Variants in KIFAP3 observed in about 807,000 individuals in gnomAD.
KIFAP3 encodes kinesin associated protein 3.
In KIFAP3, 68 loss-of-function variants were observed where a neutral mutation model predicts 106.5. The observed-to-expected ratio is 0.64, with a 90% CI of 0.53 to 0.78. The LOEUF is 0.78. Among genes scored for constraint, KIFAP3 ranks in the 30% least tolerant of loss-of-function variants. The pLI is 0.00. For synonymous variants in KIFAP3, 320 were observed against 311.5 expected, an observed-to-expected ratio of 1.03 and a Z score of -0.29; for missense variants, 780 against 941.8, an observed-to-expected ratio of 0.83 and a Z score of 2.25.
intron 16 of KIFAP3, 55 bp from the exon 17 acceptor site, chr1:169,972,653 A>G: frequency 5.0e-6 from 4 of 801,196 alleles, no homozygotes; most frequent in East Asian, 2.7e-5. Context: ...GCTAGTCAAT[A>G]ATACTACAAA....
At chr1:169,940,618 C>T (rs1383674285) in intron 19 of KIFAP3, among the ~76,000 whole-genome samples, 1 of 152,142 alleles carries the variant, frequency 6.6e-6, no homozygotes, top group Admixed American at 6.6e-5. Flanking sequence ...AATCTAATGC[C>T]GCTGCTCATG....
intron 10 of KIFAP3, among the ~76,000 whole-genome samples, chr1:170,001,478 G>A (rs1667666296): frequency 6.6e-6 from 1 of 152,114 alleles, no homozygotes; most frequent in African/African-American, 2.4e-5. Flanking sequence ...ATCTTGATAT[G>A]AGTCTACCTC....
At chr1:169,990,103 A>G in intron 11 of KIFAP3, 1 of 1,458,020 alleles carries the variant, frequency 6.9e-7, no homozygotes, top group Non-Finnish European at 9.2e-7. Context: ...TCCAAGGAAA[A>G]TAGAGCGATT....
intron 1 of KIFAP3, among the ~76,000 whole-genome samples, chr1:170,073,926 A>G (rs1185037091): frequency 6.6e-6 from 1 of 152,220 alleles, no homozygotes; most frequent in Admixed American, 6.5e-5. Flanking sequence ...TGGATGCGGA[A>G]AGCAGAAAGA....
intron 17 of KIFAP3, among the ~76,000 whole-genome samples, chr1:169,966,295 C>T (rs1483069153): frequency 6.6e-6 from 1 of 151,678 alleles, no homozygotes; most frequent in African/African-American, 2.4e-5. Flanking sequence ...CTATACCAAA[C>T]TGTGTATTTA....
chr1:170,004,100 T>C (rs1667811954), intron 10 of KIFAP3, among the ~76,000 whole-genome samples: 1 of 152,154 alleles, frequency 6.6e-6, no homozygotes, highest in African/African-American at 2.4e-5. Flanking sequence ...TGAACTCCCA[T>C]TCACAATTGC....
intron 19 of KIFAP3, among the ~76,000 whole-genome samples, chr1:169,939,540 T>C (rs966861445): frequency 6.6e-6 from 1 of 152,102 alleles, no homozygotes; most frequent in Non-Finnish European, 1.5e-5. Context: ...AAATATAGGT[T>C]TACAAATGGT....
chr1:170,066,598 T>C (rs1671457880), intron 1 of KIFAP3, among the ~76,000 whole-genome samples: 1 of 152,152 alleles, frequency 6.6e-6, no homozygotes, highest in Admixed American at 6.5e-5. Flanking sequence ...TGAGGCTACT[T>C]TTCCCTAGAG....
intron 19 of KIFAP3, among the ~76,000 whole-genome samples, chr1:169,935,866 C>A (rs1332963907): frequency 6.6e-6 from 1 of 151,680 alleles, no homozygotes; most frequent in Non-Finnish European, 1.5e-5. Context: ...TGACAGAGTC[C>A]CATACTTGTC....
At chr1:170,003,415 G>A (rs1459824057) in intron 10 of KIFAP3, among the ~76,000 whole-genome samples, 2 of 152,238 alleles carry the variant, frequency 1.3e-5, no homozygotes, top group South Asian at 2.1e-4. Flanking sequence ...AAATCCTCCC[G>A]GCCGTGTGAG....
chr1:170,064,671 T>C (rs1671346035), intron 1 of KIFAP3, among the ~76,000 whole-genome samples: 2 of 152,202 alleles, frequency 1.3e-5, no homozygotes, highest in Admixed American at 6.5e-5. Context: ...TCATTTAATA[T>C]GTTTATATCA....
chr1:169,999,098 TAGAG>T (rs1667533786), intron 10 of KIFAP3, among the ~76,000 whole-genome samples: 2 of 152,148 alleles, frequency 1.3e-5, no homozygotes, highest in Admixed American at 1.3e-4. Flanking sequence ...AAACAGCTAT[TAGAG>T]AGATTAAATG....
chr1:170,033,049 A>G (rs889542640), intron 7 of KIFAP3, among the ~76,000 whole-genome samples: 2 of 151,758 alleles, frequency 1.3e-5, no homozygotes, highest in Admixed American at 6.6e-5. Context: ...TTTGGGTACC[A>G]CTGAAGCATT....
chr1:170,017,025 G>A (rs1270390347), intron 9 of KIFAP3, among the ~76,000 whole-genome samples: 5 of 152,146 alleles, frequency 3.3e-5, no homozygotes, highest in African/African-American at 1.2e-4. Context: ...TTGGGAGGCC[G>A]AGGCGGGCAG....
chr1:169,936,621 C>CT (rs921295423), intron 19 of KIFAP3, among the ~76,000 whole-genome samples: 1 of 151,628 alleles, frequency 6.6e-6, no homozygotes, highest in African/African-American at 2.4e-5. Context: ...AACCTACTTA[C>CT]TTTTTTTCTA....
At chr1:170,025,634 T>C (rs967290935) in intron 8 of KIFAP3, among the ~76,000 whole-genome samples, 3 of 152,096 alleles carry the variant, frequency 2.0e-5, no homozygotes, top group African/African-American at 7.2e-5. Context: ...AGGAAAGAAG[T>C]ATTATAAAAA....
At chr1:170,017,704 C>A (rs955623519) in intron 9 of KIFAP3, among the ~76,000 whole-genome samples, 1 of 152,146 alleles carries the variant, frequency 6.6e-6, no homozygotes, top group Non-Finnish European at 1.5e-5. Context: ...TGGTCAGATG[C>A]GTTCCTAGAC....
In KIFAP3 at chr1:169,995,272, C is replaced by A. The variant is rs143917791; in HGVS notation, c.1184-3017G>T. On this transcript the variant is annotated intron_variant, in intron 10 of 19. Transcript: ENST00000361580. Reference sequence around the variant, plus strand: ...AAACATGAAAAATTCCAACTTTATTCCCCAAGAAGGTAGGAATCCCTTAGT... The same window carrying A: ...AAACATGAAAAATTCCAACTTTATTACCCAAGAAGGTAGGAATCCCTTAGT... Among the ~76,000 whole-genome samples, 459 of 152,156 alleles carry A rather than the reference C, an allele frequency of 3.0e-3. 16 individuals are homozygous for A. In the South Asian group the frequency reaches 0.057, roughly 19 times the overall value.
At chr1:170,006,225 T>C (rs969109908) in intron 10 of KIFAP3, among the ~76,000 whole-genome samples, 6 of 152,192 alleles carry the variant, frequency 3.9e-5, no homozygotes, top group African/African-American at 1.4e-4. Context: ...TTGATGTTCC[T>C]TCCTTTCATG....
Sources: allele counts gnomAD v4.1 joint callset (sites outside exome capture counted in the v4.1 genomes callset), GRCh38; gene constraint gnomAD v4.1.1; transcripts MANE v1.5; gene names NCBI Gene and HGNC (gene_info 2026-07-23, HGNC 2026-07-21).